Variants in TTC6 observed in about 807,000 individuals in gnomAD.
TTC6 encodes tetratricopeptide repeat protein 6.
Under a neutral mutation model 210.4 loss-of-function variants are expected in TTC6, and 172 were observed. That is an observed-to-expected ratio of 0.82 (90% CI 0.72 to 0.93). The LOEUF is 0.93. Ranked by LOEUF, TTC6 falls within the 40% of genes least tolerant of loss-of-function variation. TTC6 has a pLI of 0.00. For missense variants in TTC6, 2,414 were observed against 2,318.1 expected (o/e 1.04, Z -0.85); for synonymous variants, 804 against 819.6 (o/e 0.98, Z 0.32).
chr14:37,650,425 C>G (rs767719551), intron 1 of TTC6, among the ~76,000 whole-genome samples: 1 of 152,220 alleles, frequency 6.6e-6, no homozygotes, highest in Non-Finnish European at 1.5e-5. Context: ...TACCCCTTCT[C>G]TCACAGCTCT....
intron 1 of TTC6, among the ~76,000 whole-genome samples, chr14:37,664,588 T>C (rs550196763): frequency 6.6e-6 from 1 of 150,722 alleles, no homozygotes; most frequent in East Asian, 1.9e-4. Context: ...GATAGAGGTA[T>C]GGGCAAAGAT....
At chr14:37,773,791 A>G (rs972404483) in intron 14 of TTC6, among the ~76,000 whole-genome samples, 4 of 152,048 alleles carry the variant, frequency 2.6e-5, no homozygotes, top group African/African-American at 9.7e-5. Flanking sequence ...TGATTCTGTG[A>G]AGAATCTCAT....
intron 1 of TTC6, 52 bp from the exon 2 acceptor site, chr14:37,606,611 C>T (rs2095625657): frequency 7.0e-6 from 3 of 427,290 alleles, no homozygotes; most frequent in Non-Finnish European, 9.4e-6. Flanking sequence ...TTGAGTGACT[C>T]ATTTTCTCTT....
chr14:37,837,891 T>G (rs1398194547), intron 29 of TTC6, among the ~76,000 whole-genome samples: 3 of 152,146 alleles, frequency 2.0e-5, no homozygotes, highest in African/African-American at 7.2e-5. Context: ...GGAAAATAGT[T>G]CAGTGACAGA....
At chr14:37,803,065 C>G (rs962828021) in intron 20 of TTC6, among the ~76,000 whole-genome samples, 4 of 152,092 alleles carry the variant, frequency 2.6e-5, no homozygotes, top group Non-Finnish European at 5.9e-5. Context: ...ATTCTGTGAT[C>G]ATTACTCAGT....
chr14:37,783,737 A>G (rs956963840), intron 14 of TTC6, among the ~76,000 whole-genome samples: 31 of 151,154 alleles, frequency 2.1e-4, no homozygotes, highest in Non-Finnish European at 3.7e-4. Context: ...TATCCATTTT[A>G]GATCTTTCCT....
chr14:37,841,617 A>G (rs769257048), exon 30 of TTC6: 2 of 1,604,276 alleles, frequency 1.2e-6, no homozygotes, highest in Non-Finnish European at 1.7e-6. Context: ...AATAGAGCAC[A>G]TTTCTACTAC....
chr14:37,692,447 T>G (rs753695130), intron 3 of TTC6, among the ~76,000 whole-genome samples: 2 of 151,886 alleles, frequency 1.3e-5, no homozygotes, highest in Non-Finnish European at 2.9e-5. Context: ...GACAAAAACC[T>G]TATGATCATT....
intron 1 of TTC6, among the ~76,000 whole-genome samples, chr14:37,641,547 G>A (rs1413781659): frequency 6.6e-6 from 1 of 152,174 alleles, no homozygotes; most frequent in Non-Finnish European, 1.5e-5. Flanking sequence ...TCATTGCTAA[G>A]GATGCTGAAT....
Position 37,732,658 on chromosome 14 carries a change from G to A in TTC6, c.1819-3263G>A, listed in dbSNP as rs1286053053. Among the ~76,000 whole-genome samples, 18 of 150,402 alleles carry A rather than the reference G, an allele frequency of 1.2e-4. 1 individual carries two copies. Among genetic ancestry groups the A allele is most frequent in the South Asian group, 6.4e-4 (3 of 4,680 alleles). On this transcript the variant is annotated intron_variant, in intron 7 of 30. Coordinates refer to ENST00000553443, the Ensembl canonical transcript of TTC6. ...TTTTGAGACGGAGTCTTGCTCTGTC[G>A]CCCAGGCTAGAGTGCAGTGGCACAA...
At position 37,725,491 on chromosome 14, in the gene TTC6, C is replaced by G. The variant is rs2095871329; in HGVS notation, c.1818+489C>G. Among the ~76,000 whole-genome samples the G allele has an allele frequency of 2.6e-5, 4 of 151,270 alleles. No homozygotes were observed. In the South Asian group the frequency reaches 8.3e-4, roughly 32 times the overall value. ...TCAGCCTCCTGAGTAGCTAGGATTA[C>G]AGGCATGTGCCACCACACCTGGCTA... On this transcript the variant is annotated intron_variant, in intron 7 of 30. Transcript: ENST00000553443.
At chr14:37,813,285 T>A (rs117568514) in intron 25 of TTC6, among the ~76,000 whole-genome samples, 4,188 of 152,260 alleles carry the variant, frequency 0.028, 99 homozygotes, top group Non-Finnish European at 0.035. Context: ...TTGAATACCT[T>A]TAAGCTTTTT....
chr14:37,841,969 A>G (rs557640912), intron 30 of TTC6, among the ~76,000 whole-genome samples, 186 bp from the exon 33 acceptor site: 15 of 152,322 alleles, frequency 9.8e-5, no homozygotes, highest in African/African-American at 2.9e-4. Flanking sequence ...GAAAGATTCA[A>G]TATTTTTAAT....
chr14:37,632,195 G>A lies in TTC6; in HGVS notation c.939+9192G>A, dbSNP rs928465457. ...TGTGATCCTTTGGAGGACAAGAGGCGTTCTGGTTTTTGGAATTGCAGCCTT... is the reference window on the plus strand; with the variant it reads ...TGTGATCCTTTGGAGGACAAGAGGCATTCTGGTTTTTGGAATTGCAGCCTT... On this transcript the variant is annotated intron_variant, in intron 1 of 30. Coordinates refer to ENST00000553443, the Ensembl canonical transcript of TTC6. Among the ~76,000 whole-genome samples, 9 of 152,134 alleles carry A rather than the reference G, an allele frequency of 5.9e-5. No individual in the cohort carries two copies. The East Asian group carries it at 9.6e-4, about 16-fold the overall frequency.
intron 26 of TTC6, among the ~76,000 whole-genome samples, chr14:37,822,748 G>A (rs2096160862): frequency 6.6e-6 from 1 of 152,094 alleles, no homozygotes. Context: ...GTGGCTGTGT[G>A]GAAAAGCATG....
At chr14:37,825,673 A>G (rs192864487) in intron 27 of TTC6, among the ~76,000 whole-genome samples, 8 of 152,228 alleles carry the variant, frequency 5.3e-5, no homozygotes, top group African/African-American at 9.6e-5. Context: ...TGTATTTTCC[A>G]TGGAATACGT....
chr14:37,808,298 C>T (rs2096122799), intron 23 of TTC6, among the ~76,000 whole-genome samples: 2 of 151,974 alleles, frequency 1.3e-5, no homozygotes, highest in South Asian at 4.2e-4. Flanking sequence ...AGAGAAGAAT[C>T]AAAGAGGAAG....
chr14:37,691,435 C>A (rs1001256927), intron 3 of TTC6, among the ~76,000 whole-genome samples: 1 of 152,128 alleles, frequency 6.6e-6, no homozygotes, highest in Non-Finnish European at 1.5e-5. Flanking sequence ...CAATGTGCTT[C>A]TGAATGACCA....
At chr14:37,792,095 T>C (rs2096081163) in intron 16 of TTC6, among the ~76,000 whole-genome samples, 169 bp from the exon 19 acceptor site, 1 of 152,218 alleles carries the variant, frequency 6.6e-6, no homozygotes, top group Non-Finnish European at 1.5e-5. Context: ...TAAAGGTGTT[T>C]ATAGTTTTTC....
Sources: gnomAD v4.1 joint callset for allele counts (sites outside exome capture counted in the v4.1 genomes callset) on GRCh38, gnomAD v4.1.1 for gene constraint, MANE v1.5 for transcripts, NCBI Gene and HGNC (gene_info 2026-07-23, HGNC 2026-07-21) for gene names.